The following TOPBP1 variants were observed in gnomAD, a reference collection of about 807,000 sequenced individuals.
TOPBP1 encodes DNA topoisomerase 2-binding protein 1.
Under a neutral mutation model 167.7 loss-of-function variants are expected in TOPBP1, and 28 were observed. That is an observed-to-expected ratio of 0.17 (90% CI 0.12 to 0.23). TOPBP1 has a LOEUF of 0.23. TOPBP1 is among the 10% of genes least tolerant of loss of function. TOPBP1 has a pLI of 1.00. For synonymous variants in TOPBP1, 598 were observed against 611.4 expected, an observed-to-expected ratio of 0.98 and a Z score of 0.32; for missense variants, 1,554 against 1,809.6, an observed-to-expected ratio of 0.86 and a Z score of 2.56.
Position 133,640,140 on chromosome 3 carries a change from A to G in TOPBP1, c.2052T>C (p.Asn684=), listed in dbSNP as rs1935846797. The G allele has an allele frequency of 6.2e-7, 1 of 1,613,634 alleles. No individual in the cohort carries two copies. The change falls in exon 13 of 28, where the codon AAT becomes AAC. Residue 684 remains asparagine, a synonymous_variant. Transcript: ENST00000260810. ...TACTGGCAAACATGCCTTTCTTTGC[A>G]TTGGATTTGCGAACAAAGTATTCTT... is the stretch of plus-strand genomic sequence containing the variant. ...SVQEYFVRKS[N]AKKGMFASTH...
At chr3:133,655,539 A>G (rs1936452455) in intron 5 of TOPBP1, 53 bp from the exon 6 acceptor site, 2 of 1,033,298 alleles carry the variant, frequency 1.9e-6, no homozygotes, top group Admixed American at 3.7e-5. Flanking sequence ...CAGAAGAATA[A>G]TGAAAAACAA....
chr3:133,643,519 TTCATA>T, intron 11 of TOPBP1, 147 bp from the exon 12 acceptor site: 1 of 610,506 alleles, frequency 1.6e-6, no homozygotes, highest in Non-Finnish European at 2.8e-6. Context: ...CTCAATACAT[TTCATA>T]TCATAATGTT....
chr3:133,608,478 C>T, intron 27 of TOPBP1, 57 bp downstream of exon 27: 4 of 1,575,770 alleles, frequency 2.5e-6, no homozygotes, highest in Admixed American at 1.8e-5. Flanking sequence ...AGTTACTTAT[C>T]TATGCACATA....
At chr3:133,601,693 A>T (rs987726208) in intron 27 of TOPBP1, among the ~76,000 whole-genome samples, 1 of 152,214 alleles carries the variant, frequency 6.6e-6, no homozygotes, top group African/African-American at 2.4e-5. Context: ...AAAAAGGTTA[A>T]ATGAAAACAA....
chr3:133,640,194 G>A (rs1935849172), intron 12 of TOPBP1, 24 bp from the exon 13 acceptor site: 1 of 1,589,320 alleles, frequency 6.3e-7, no homozygotes, highest in Non-Finnish European at 8.6e-7. Flanking sequence ...TTAAAGAAGT[G>A]GAAATGGTCA....
In TOPBP1 at chr3:133,611,044, C is replaced by T; in HGVS notation, c.4133G>A (p.Arg1378Lys). Reference sequence around the variant, plus strand: ...TTCTTGTCTTTGCTGGATTTTTTTTCTCCATCTCATTGCTGCAAGTGCTAG... The same window carrying T: ...TTCTTGTCTTTGCTGGATTTTTTTTTTCCATCTCATTGCTGCAAGTGCTAG... ...RRLALAAMRWRKKIQQRQESG... is the reference protein window; with the variant it reads ...RRLALAAMRWKKKIQQRQESG... The change falls in exon 25 of 28, where the codon AGA becomes AAA. Residue 1378 changes from arginine (R) to lysine (K), a missense_variant. Arg to Lys is a conservative substitution (Grantham distance 26). This residue lies in a region of TOPBP1 where 351 missense variants were observed against 432.9 expected (regional missense o/e 0.81). Coordinates refer to ENST00000260810, the MANE Select transcript of TOPBP1 (RefSeq NM_007027.4). 6.2e-7 allele frequency: 1 copy of T among 1,612,284 alleles called. No individual in the cohort carries two copies. Among genetic ancestry groups the T allele is most frequent in the Non-Finnish European group, 8.5e-7 (1 of 1,179,018 alleles).
At chr3:133,651,940 C>G (rs1214337230) in intron 8 of TOPBP1, among the ~76,000 whole-genome samples, 1 of 152,078 alleles carries the variant, frequency 6.6e-6, no homozygotes, top group Admixed American at 6.5e-5. Context: ...AAAGTCCAAA[C>G]CTGGGCAACA....
In TOPBP1 at chr3:133,628,551, T is replaced by C. The variant is rs1326899438; in HGVS notation, c.2694+9A>G. The C allele has an allele frequency of 6.2e-7, 1 of 1,609,916 alleles. No homozygotes were observed. The highest frequency in any genetic ancestry group is 8.5e-7 in the Non-Finnish European group (1 of 1,177,988). On this transcript the variant is annotated intron_variant, in intron 15 of 27. Coordinates refer to ENST00000260810, the MANE Select transcript of TOPBP1 (RefSeq NM_007027.4). ...TAAAACTTCCTTTTAATAAGAGAAC[T>C]AATCCTACCTTCTCTGACTGGGCCT...
At chr3:133,625,645 C>T (rs1040448662) in intron 16 of TOPBP1, among the ~76,000 whole-genome samples, 2 of 151,722 alleles carry the variant, frequency 1.3e-5, no homozygotes, top group African/African-American at 2.4e-5. Context: ...GCAGGAGAAT[C>T]GCTTAAACCC....
intron 10 of TOPBP1, among the ~76,000 whole-genome samples, chr3:133,646,325 C>T (rs1417858523): frequency 6.6e-6 from 1 of 152,010 alleles, no homozygotes. Flanking sequence ...ATCACCTGCC[C>T]TACACCAAGT....
chr3:133,637,853 G>C, intron 14 of TOPBP1, 23 bp downstream of exon 14: 2 of 1,608,170 alleles, frequency 1.2e-6, no homozygotes, highest in Non-Finnish European at 1.7e-6. Context: ...GTTAACTCTG[G>C]GACCACTGCC....
intron 27 of TOPBP1, among the ~76,000 whole-genome samples, chr3:133,606,134 G>C (rs1470093052): frequency 6.6e-6 from 1 of 152,120 alleles, no homozygotes; most frequent in Non-Finnish European, 1.5e-5. Context: ...GTTGCAGTAA[G>C]CCAAGATCAC....
chr3:133,601,219 T>G lies in TOPBP1; in HGVS notation c.*31A>C. On this transcript the variant is annotated 3_prime_UTR_variant, in exon 28 of 28. Coordinates refer to ENST00000260810, the MANE Select transcript of TOPBP1 (RefSeq NM_007027.4). The stretch of plus-strand genomic sequence containing the variant: ...TCAGGCTTTCAATTTTTAAAAACAT[T>G]TAATGTTTGGTAACTAAAGGGTAGA... The G allele has an allele frequency of 6.4e-7, 1 of 1,566,164 alleles. No individual in the cohort carries two copies. The highest frequency in any genetic ancestry group is 1.4e-5 in the African/African-American group (1 of 71,856).
intron 14 of TOPBP1, among the ~76,000 whole-genome samples, chr3:133,637,611 A>C (rs139305664): frequency 9.9e-5 from 15 of 152,236 alleles, no homozygotes; most frequent in African/African-American, 3.6e-4. Flanking sequence ...CAGATATGTT[A>C]AATGATTGGC....
In TOPBP1 at chr3:133,649,447, A is replaced by C; in HGVS notation, c.1440T>G (p.Ser480Arg). The C allele has an allele frequency of 6.2e-7, 1 of 1,613,900 alleles. No individual in the cohort carries two copies. Among genetic ancestry groups the C allele is most frequent in the Non-Finnish European group, 8.5e-7 (1 of 1,179,876 alleles). ...SSFSKKDFAP[S>R]EKHEQADEDL... ...CTTCATCAGCTTGCTCATGCTTTTCACTAGGAGCAAAGTCTTTCTTAGAGA... is the reference window on the plus strand; with the variant it reads ...CTTCATCAGCTTGCTCATGCTTTTCCCTAGGAGCAAAGTCTTTCTTAGAGA... The change falls in exon 10 of 28, where the codon AGT becomes AGG. Residue 480 changes from serine to arginine, a missense_variant. Transcript: ENST00000260810.
At position 133,653,338 on chromosome 3, in the gene TOPBP1, GACTC is replaced by G; in HGVS notation, c.922+3_922+6del. On this transcript the variant is annotated splice_donor_5th_base_variant and intron_variant, in intron 7 of 27. Transcript: ENST00000260810. ...AGAATAATTATTTTAATCTCAATGA[GACTC>G]ACTATCAATTGTGTTGATCTGGCTG... is the stretch of plus-strand genomic sequence containing the variant. The G allele has an allele frequency of 6.3e-7, 1 of 1,577,500 alleles. No individual in the cohort carries two copies.
intron 2 of TOPBP1, among the ~76,000 whole-genome samples, chr3:133,660,667 T>C (rs1936667704): frequency 6.6e-6 from 1 of 152,214 alleles, no homozygotes; most frequent in Non-Finnish European, 1.5e-5. Flanking sequence ...ATTATTATAC[T>C]GTACATAATA....
intron 27 of TOPBP1, among the ~76,000 whole-genome samples, chr3:133,603,111 G>T (rs1227143714): frequency 6.6e-6 from 1 of 151,998 alleles, no homozygotes; most frequent in Admixed American, 6.6e-5. Context: ...GGCCAGGCTG[G>T]TCTCGAAATC....
At chr3:133,608,754 TATA>T in intron 26 of TOPBP1, 58 bp from the exon 27 acceptor site, 2 of 1,593,168 alleles carry the variant, frequency 1.3e-6, no homozygotes, top group Non-Finnish European at 1.7e-6. Context: ...AGTTCAGCTG[TATA>T]ATGTGTACTT....
Sources: gnomAD v4.1 joint callset for allele counts (sites outside exome capture counted in the v4.1 genomes callset) on GRCh38, gnomAD v4.1.1 for gene constraint, gnomAD v4.1.1 regional missense constraint, MANE v1.5 for transcripts, NCBI Gene and HGNC (gene_info 2026-07-23, HGNC 2026-07-21) for gene names.